YPEL2: variants seen among roughly 807,000 people sequenced by gnomAD.
YPEL2 encodes the protein yippee like 2.
Under a neutral mutation model 19.1 loss-of-function variants are expected in YPEL2, and 2 were observed. The observed-to-expected ratio is 0.10, with a 90% CI of 0.04 to 0.33. The LOEUF is 0.33. YPEL2 is among the 10% of genes least tolerant of loss of function. The pLI, the probability that YPEL2 is intolerant of heterozygous loss-of-function variation, is 1.00. For missense variants in YPEL2, 66 were observed against 140.7 expected, an observed-to-expected ratio of 0.47 and a Z score of 2.68; for synonymous variants, 52 against 50.0, an observed-to-expected ratio of 1.04 and a Z score of -0.17.
chr17:59,334,358 C>A (rs1287468425), intron 1 of YPEL2, among the ~76,000 whole-genome samples: 2 of 132,776 alleles, frequency 1.5e-5, no homozygotes, highest in African/African-American at 2.6e-5. Flanking sequence ...TGCATAGCCT[C>A]GGGGGAAGGC....
In YPEL2 at chr17:59,400,384, C is replaced by A. The variant is rs1464697161; in HGVS notation, c.*3194C>A. 2.0e-5 allele frequency: 3 copies of A among 152,300 alleles called. No individual in the cohort carries two copies. The highest frequency in any genetic ancestry group is 7.3e-5 in the African/African-American group (3 of 41,356). The allele number at this position is 152,300 out of a possible 1,614,324, so 9.4% of individuals were successfully genotyped here. A position where few individuals can be genotyped will look rare whatever the true frequency, so the allele number is the denominator to read the frequency against. The stretch of plus-strand genomic sequence containing the variant: ...TATATTTGGTGCTGTTTTCTCAGAT[C>A]CCCTGAGAGCACTTTTTATTTTCCT... On this transcript the variant is annotated 3_prime_UTR_variant, in exon 5 of 5. Coordinates refer to ENST00000312655, the MANE Select transcript of YPEL2 (RefSeq NM_001005404.4).
chr17:59,349,358 CTTT>C (rs58304283), intron 1 of YPEL2, among the ~76,000 whole-genome samples: 70 of 119,220 alleles, frequency 5.9e-4, no homozygotes, highest in African/African-American at 2.0e-3. Context: ...CCTTTTTTTT[CTTT>C]TTTTTTTTTT....
intron 3 of YPEL2, chr17:59,388,769 A>G (rs1567759840): frequency 4.6e-6 from 1 of 218,088 alleles, no homozygotes; most frequent in Non-Finnish European, 9.1e-6. Flanking sequence ...GGGCAGATGC[A>G]CAGTTTCCAG....
chr17:59,397,223 T>G lies in YPEL2; in HGVS notation c.*33T>G, dbSNP rs545972370. 1 of 1,512,944 alleles carries G rather than the reference T, an allele frequency of 6.6e-7. No individual in the cohort carries two copies. Among genetic ancestry groups the G allele is most frequent in the South Asian group, 1.2e-5 (1 of 81,540 alleles). 93.7% of individuals were successfully genotyped at this position (1,512,944 alleles called of 1,614,324 possible). A position where few individuals can be genotyped will look rare whatever the true frequency, so the allele number is the denominator to read the frequency against. ...GCATCTACCCAACCCAGTGTCCACG[T>G]GAACGCCATTCAACCGAACATTCTT... On this transcript the variant is annotated 3_prime_UTR_variant, in exon 5 of 5. Transcript: ENST00000312655.
At chr17:59,367,096 A>G (rs530530944) in intron 2 of YPEL2, among the ~76,000 whole-genome samples, 1 of 152,210 alleles carries the variant, frequency 6.6e-6, no homozygotes, top group Non-Finnish European at 1.5e-5. Flanking sequence ...CAGGAGGAGT[A>G]TGGACTTTTG....
chr17:59,394,255 CG>C (rs539630727), intron 4 of YPEL2, among the ~76,000 whole-genome samples: 2 of 151,854 alleles, frequency 1.3e-5, no homozygotes, highest in South Asian at 4.1e-4. Flanking sequence ...ACTTCCCACA[CG>C]GGGTGGCTGC....
At chr17:59,340,472 G>A (rs1353509320) in intron 1 of YPEL2, among the ~76,000 whole-genome samples, 10 of 149,872 alleles carry the variant, frequency 6.7e-5, no homozygotes, top group Non-Finnish European at 1.0e-4. Flanking sequence ...CTGGAGTGCA[G>A]TGGTGCGATC....
intron 1 of YPEL2, among the ~76,000 whole-genome samples, chr17:59,342,427 G>T (rs1373586641): frequency 1.3e-5 from 2 of 152,146 alleles, no homozygotes; most frequent in Non-Finnish European, 2.9e-5. Context: ...GAGGCCAGGG[G>T]GAGGGTTCCC....
intron 1 of YPEL2, among the ~76,000 whole-genome samples, chr17:59,335,706 G>A (rs565627667): frequency 2.6e-5 from 4 of 151,898 alleles, no homozygotes; most frequent in Non-Finnish European, 5.9e-5. Flanking sequence ...ACCCCACCAC[G>A]CCCGGCTAAT....
chr17:59,344,475 G>A (rs2047746407), intron 1 of YPEL2, among the ~76,000 whole-genome samples: 1 of 152,108 alleles, frequency 6.6e-6, no homozygotes, highest in African/African-American at 2.4e-5. Context: ...GCATTCAAAA[G>A]TATTAGTGTT....
chr17:59,381,469 A>C (rs1021259002), intron 2 of YPEL2, among the ~76,000 whole-genome samples: 3 of 152,158 alleles, frequency 2.0e-5, no homozygotes, highest in African/African-American at 7.2e-5. Context: ...CAAGGTGAGG[A>C]CCTGTATCTA....
At chr17:59,335,425 A>C (rs2047694012) in intron 1 of YPEL2, among the ~76,000 whole-genome samples, 1 of 151,878 alleles carries the variant, frequency 6.6e-6, no homozygotes. Flanking sequence ...ACCAATCCCC[A>C]ACCTGTCCAC....
At chr17:59,364,612 CT>C (rs56282847) in intron 2 of YPEL2, among the ~76,000 whole-genome samples, 2,649 of 108,454 alleles carry the variant, frequency 0.024, 25 homozygotes, top group African/African-American at 0.083. Context: ...CCCTCTGTGT[CT>C]TTTTTTTTTT....
chr17:59,349,024 G>A (rs943035727), intron 1 of YPEL2, among the ~76,000 whole-genome samples: 1 of 151,796 alleles, frequency 6.6e-6, no homozygotes, highest in Non-Finnish European at 1.5e-5. Flanking sequence ...AATACAAAAA[G>A]TTAGCCGGGC....
rs1169789774 is a variant in YPEL2, at chr17:59,398,316, A to C, written c.*1126A>C. 1 of 151,972 alleles carries C rather than the reference A, an allele frequency of 6.6e-6. No individual in the cohort carries two copies. Among genetic ancestry groups the C allele is most frequent in the Admixed American group, 6.6e-5 (1 of 15,250 alleles). The allele number at this position is 151,972 out of a possible 1,614,324, so 9.4% of individuals were successfully genotyped here. ...GGGATCGTCAATTTCTTGTTCTTAG[A>C]GTTTCGGGTGTTTTTCTCCAGTCTT... On this transcript the variant is annotated 3_prime_UTR_variant, in exon 5 of 5. Coordinates refer to ENST00000312655, the MANE Select transcript of YPEL2 (RefSeq NM_001005404.4).
chr17:59,372,593 T>C (rs1382290114), intron 2 of YPEL2, among the ~76,000 whole-genome samples: 1 of 152,184 alleles, frequency 6.6e-6, no homozygotes, highest in Non-Finnish European at 1.5e-5. Context: ...CTGCTAAGGA[T>C]CCCACACCCT....
intron 2 of YPEL2, among the ~76,000 whole-genome samples, chr17:59,370,223 C>A (rs1007344827): frequency 2.0e-5 from 3 of 151,424 alleles, no homozygotes; most frequent in Non-Finnish European, 4.4e-5. Context: ...CCACCATGCC[C>A]GGCTAATTTT....
intron 3 of YPEL2, 187 bp from the exon 4 acceptor site, chr17:59,389,173 C>A: frequency 1.8e-6 from 1 of 566,158 alleles, no homozygotes; most frequent in Non-Finnish European, 3.2e-6. Flanking sequence ...ACTTGCAGAT[C>A]TGAATTTCCT....
At chr17:59,340,318 A>G (rs2047722040) in intron 1 of YPEL2, among the ~76,000 whole-genome samples, 1 of 152,050 alleles carries the variant, frequency 6.6e-6, no homozygotes, top group African/African-American at 2.4e-5. Context: ...TACGTTGGCC[A>G]GGCTGGTCTC....
Sources: gnomAD v4.1 joint callset for allele counts (sites outside exome capture counted in the v4.1 genomes callset) on GRCh38, gnomAD v4.1.1 for gene constraint, MANE v1.5 for transcripts, NCBI Gene and HGNC (gene_info 2026-07-23, HGNC 2026-07-21) for gene names.